Variants in CNTNAP2 observed in about 807,000 individuals in gnomAD.
CNTNAP2 encodes contactin associated protein 2, also known as contactin-associated protein-like 2.
In CNTNAP2, 98 loss-of-function variants were observed where a neutral mutation model predicts 155.2. The ratio of observed to expected loss-of-function variants is 0.63; its 90% CI spans 0.54 to 0.75. The LOEUF (loss-of-function observed/expected upper bound fraction) is 0.75. Ranked by LOEUF, CNTNAP2 falls within the 30% of genes least tolerant of loss-of-function variation. The probability of loss-of-function intolerance (pLI) is 0.00; values close to 1 mark genes in which losing one functional copy is unlikely to be tolerated. For missense variants in CNTNAP2, 1,727 were observed against 1,688.1 expected (o/e 1.02, Z -0.40); for synonymous variants, 651 against 631.2 (o/e 1.03, Z -0.47).
chr7:146,933,830 A>C (rs1796843523), intron 3 of CNTNAP2, among the ~76,000 whole-genome samples: 1 of 152,228 alleles, frequency 6.6e-6, no homozygotes, highest in Non-Finnish European at 1.5e-5. Context: ...GCCAAAAAGC[A>C]CATGAAAAAA....
At chr7:147,660,021 T>A (rs904725704) in intron 13 of CNTNAP2, among the ~76,000 whole-genome samples, 1 of 152,242 alleles carries the variant, frequency 6.6e-6, no homozygotes, top group Non-Finnish European at 1.5e-5. Context: ...ACTTAATTAT[T>A]ACATTGGGAT....
intron 1 of CNTNAP2, among the ~76,000 whole-genome samples, chr7:146,213,913 TC>T (rs775218040): frequency 1.2e-4 from 19 of 152,296 alleles, no homozygotes; most frequent in Non-Finnish European, 2.5e-4. Flanking sequence ...CAGCCTACAC[TC>T]TATATTGATT....
intron 8 of CNTNAP2, among the ~76,000 whole-genome samples, chr7:147,260,036 A>G (rs193066003): frequency 6.6e-6 from 1 of 152,280 alleles, no homozygotes; most frequent in African/African-American, 2.4e-5. Flanking sequence ...TGGCAAGTCA[A>G]ATGGTTTTGG....
chr7:147,545,846 A>T (rs1020503719), intron 11 of CNTNAP2, among the ~76,000 whole-genome samples: 1 of 152,186 alleles, frequency 6.6e-6, no homozygotes, highest in East Asian at 1.9e-4. Flanking sequence ...AGAGGGACCC[A>T]GTGGGAAATA....
At chr7:146,376,725 A>T (rs1195751353) in intron 1 of CNTNAP2, among the ~76,000 whole-genome samples, 3 of 152,196 alleles carry the variant, frequency 2.0e-5, no homozygotes, top group Non-Finnish European at 4.4e-5. Flanking sequence ...TGTTGTAACC[A>T]AAGACCCAAT....
At chr7:146,235,017 C>A (rs1453195141) in intron 1 of CNTNAP2, among the ~76,000 whole-genome samples, 1 of 152,116 alleles carries the variant, frequency 6.6e-6, no homozygotes, top group African/African-American at 2.4e-5. Flanking sequence ...GTATGGACCT[C>A]TGTCAGCATA....
rs199586554 is a variant in CNTNAP2 at position 147,608,415 on chromosome 7, ACAGAG to A, written c.1898-30689_1898-30685del. 8.8e-3 allele frequency among the ~76,000 whole-genome samples: 1,331 copies of A among 151,758 alleles called. 25 individuals carry two copies. The highest frequency in any genetic ancestry group is 0.031 in the African/African-American group (1,270 of 41,326). ...AAGTGTTTTTTTTAAACTTACTGTT[ACAGAG>A]CTATCTGGTAGGATCTATAACCCCA... On this transcript the variant is annotated intron_variant, in intron 12 of 23. Transcript: ENST00000361727.
intron 2 of CNTNAP2, among the ~76,000 whole-genome samples, chr7:146,826,920 A>G (rs1246999022): frequency 6.6e-6 from 1 of 151,538 alleles, no homozygotes; most frequent in Non-Finnish European, 1.5e-5. Context: ...TTAAGCCAAG[A>G]ATAAAATCTA....
intron 3 of CNTNAP2, among the ~76,000 whole-genome samples, chr7:146,964,141 T>C (rs2129231189): frequency 6.6e-6 from 1 of 152,332 alleles, no homozygotes; most frequent in Non-Finnish European, 1.5e-5. Context: ...ACTTTCTTCA[T>C]AGCCTTAGTC....
At chr7:146,580,257 G>C (rs1334905448) in intron 1 of CNTNAP2, among the ~76,000 whole-genome samples, 1 of 152,022 alleles carries the variant, frequency 6.6e-6, no homozygotes, top group Non-Finnish European at 1.5e-5. Context: ...CTTGTTTGTT[G>C]AAAGTAACAT....
intron 12 of CNTNAP2, among the ~76,000 whole-genome samples, chr7:147,564,273 T>G (rs1021846462): frequency 5.2e-4 from 79 of 152,284 alleles, no homozygotes; most frequent in African/African-American, 1.5e-3. Context: ...AGTTTAATTT[T>G]TTTTTCTATT....
chr7:146,723,380 C>T (rs1408006481), intron 1 of CNTNAP2, among the ~76,000 whole-genome samples: 2 of 152,174 alleles, frequency 1.3e-5, no homozygotes, highest in Admixed American at 6.5e-5. Context: ...AACCAGTAAA[C>T]TTCTACTGTT....
intron 20 of CNTNAP2, among the ~76,000 whole-genome samples, chr7:148,236,220 G>T (rs982856186): frequency 6.6e-6 from 1 of 152,120 alleles, no homozygotes; most frequent in Non-Finnish European, 1.5e-5. Context: ...GCCTCCAGGC[G>T]CCCATGCCTC....
At chr7:146,826,633 G>T (rs1803405880) in intron 2 of CNTNAP2, among the ~76,000 whole-genome samples, 1 of 152,032 alleles carries the variant, frequency 6.6e-6, no homozygotes, top group African/African-American at 2.4e-5. Context: ...GCTAATGCAT[G>T]AGTGATAACT....
chr7:147,359,771 G>C (rs1440400533), intron 9 of CNTNAP2, among the ~76,000 whole-genome samples: 1 of 151,952 alleles, frequency 6.6e-6, no homozygotes, highest in Admixed American at 6.6e-5. Context: ...TCACCTTCTT[G>C]ATGAAGCCTT....
intron 1 of CNTNAP2, among the ~76,000 whole-genome samples, chr7:146,563,720 G>A (rs893175037): frequency 6.6e-5 from 10 of 152,062 alleles, no homozygotes; most frequent in Admixed American, 5.9e-4. Context: ...CCAGTTAAAA[G>A]GAATTAGTTT....
chr7:147,301,558 A>G (rs1259688522), intron 9 of CNTNAP2, among the ~76,000 whole-genome samples: 1 of 151,120 alleles, frequency 6.6e-6, no homozygotes, highest in African/African-American at 2.4e-5. Flanking sequence ...GTTTAATTAA[A>G]TATATAGTTA....
chr7:147,217,048 A>G (rs1803283274), intron 8 of CNTNAP2, among the ~76,000 whole-genome samples: 1 of 151,986 alleles, frequency 6.6e-6, no homozygotes, highest in South Asian at 2.1e-4. Flanking sequence ...CTATGCTATA[A>G]TTATTAATTC....
chr7:147,103,350 A>G (rs1006280127), intron 4 of CNTNAP2, among the ~76,000 whole-genome samples: 9 of 152,142 alleles, frequency 5.9e-5, no homozygotes, highest in East Asian at 5.8e-4. Context: ...AGAATGATCA[A>G]TGTATCTAAA....
Sources: gnomAD v4.1 joint callset for allele counts (sites outside exome capture counted in the v4.1 genomes callset) on GRCh38, gnomAD v4.1.1 for gene constraint, MANE v1.5 for transcripts, NCBI Gene and HGNC (gene_info 2026-07-23, HGNC 2026-07-21) for gene names.